SNX30: variants seen among roughly 807,000 people sequenced by gnomAD.
SNX30 encodes sorting nexin family member 30.
SNX30 carries 24 observed loss-of-function variants against 46.4 expected under a neutral mutation model. The observed-to-expected ratio is 0.52, with a 90% confidence interval of 0.37 to 0.73. The LOEUF (loss-of-function observed/expected upper bound fraction) is 0.73, where lower values mean the gene tolerates loss of function less well. Among genes scored for constraint, SNX30 ranks in the 30% least tolerant of loss-of-function variants. The pLI is 0.00. For missense variants in SNX30, 533 were observed against 555.7 expected, an observed-to-expected ratio of 0.96 and a Z score of 0.41; for synonymous variants, 189 against 211.5, an observed-to-expected ratio of 0.89 and a Z score of 0.92.
At chr9:112,851,955 C>G (rs1338189557) in intron 7 of SNX30, among the ~76,000 whole-genome samples, 1 of 152,196 alleles carries the variant, frequency 6.6e-6, no homozygotes, top group African/African-American at 2.4e-5. Context: ...CATCCTATGT[C>G]ATCCCTTTAA....
At chr9:112,817,858 G>A in intron 3 of SNX30, 43 bp downstream of exon 3, 1 of 1,347,076 alleles carries the variant, frequency 7.4e-7, no homozygotes, top group Non-Finnish European at 1.1e-6. Context: ...CTTGTCCTGT[G>A]TTGTCTTTCC....
chr9:112,761,822 A>C (rs920482418), intron 1 of SNX30, among the ~76,000 whole-genome samples: 1 of 152,196 alleles, frequency 6.6e-6, no homozygotes, highest in African/African-American at 2.4e-5. Context: ...GGCTCAAACA[A>C]ATGCTGCCTC....
At chr9:112,830,280 G>A (rs978607229) in intron 3 of SNX30, among the ~76,000 whole-genome samples, 1 of 152,006 alleles carries the variant, frequency 6.6e-6, no homozygotes, top group Non-Finnish European at 1.5e-5. Flanking sequence ...CATTCACCAA[G>A]TATGAATGGG....
At chr9:112,810,622 T>C (rs951276736) in intron 2 of SNX30, among the ~76,000 whole-genome samples, 1 of 152,064 alleles carries the variant, frequency 6.6e-6, no homozygotes. Context: ...TTCTCCCTGG[T>C]GACGGTCTGG....
At chr9:112,814,520 C>A (rs1840367830) in intron 2 of SNX30, among the ~76,000 whole-genome samples, 1 of 152,148 alleles carries the variant, frequency 6.6e-6, no homozygotes, top group African/African-American at 2.4e-5. Context: ...AGATTATAGG[C>A]ATGAGCCACT....
chr9:112,865,659 A>ATATATATATGTATG (rs1554757338), intron 8 of SNX30, among the ~76,000 whole-genome samples: 1 of 79,698 alleles, frequency 1.3e-5, no homozygotes, highest in South Asian at 3.7e-4. Context: ...ATATATATAT[A>ATATATATATGTATG]TATGTATGTA....
chr9:112,798,047 G>A (rs1049440629), intron 1 of SNX30, among the ~76,000 whole-genome samples: 8 of 149,810 alleles, frequency 5.3e-5, no homozygotes, highest in African/African-American at 2.0e-4. Context: ...CCCACGTGGT[G>A]GTCTTGACAA....
intron 3 of SNX30, among the ~76,000 whole-genome samples, chr9:112,823,398 C>T (rs73552462): frequency 0.013 from 1,934 of 152,270 alleles, 53 homozygotes; most frequent in African/African-American, 0.044. Flanking sequence ...CCCCATTTCC[C>T]ACTCTCCGTA....
intron 2 of SNX30, among the ~76,000 whole-genome samples, chr9:112,806,342 A>G (rs2131404628): frequency 6.6e-6 from 1 of 152,266 alleles, no homozygotes; most frequent in Non-Finnish European, 1.5e-5. Context: ...ATCTTGGGAT[A>G]AAAAAGTGTT....
chr9:112,811,371 A>G (rs752876505), intron 2 of SNX30, among the ~76,000 whole-genome samples: 64 of 152,120 alleles, frequency 4.2e-4, no homozygotes, highest in Non-Finnish European at 7.9e-4. Flanking sequence ...CTCAATTGTA[A>G]ATTTTGGATC....
chr9:112,865,663 G>A (rs111478467), intron 8 of SNX30, among the ~76,000 whole-genome samples: 2,221 of 72,018 alleles, frequency 0.031, 72 homozygotes, highest in South Asian at 0.073. Context: ...ATATATATAT[G>A]TATGTATGTA....
intron 4 of SNX30, among the ~76,000 whole-genome samples, chr9:112,832,447 AGAGAGAGAGAGAGTGT>A (rs1840675076): frequency 8.3e-6 from 1 of 120,742 alleles, no homozygotes; most frequent in Admixed American, 9.2e-5. Context: ...AGAGAGAGAG[AGAGAGAGAGAGAGTGT>A]GTGTGTGTGT....
chr9:112,834,882 A>ACCCC (rs370427731), intron 4 of SNX30, among the ~76,000 whole-genome samples: 36 of 105,252 alleles, frequency 3.4e-4, no homozygotes, highest in African/African-American at 9.5e-4. Flanking sequence ...ACACACACAC[A>ACCCC]CCTACCTCAA....
At chr9:112,838,435 G>C (rs1840799983) in intron 5 of SNX30, 63 bp from the exon 6 acceptor site, 1 of 1,411,782 alleles carries the variant, frequency 7.1e-7, no homozygotes, top group Admixed American at 2.0e-5. Flanking sequence ...GGTGATTACT[G>C]AGTCAGTAAT....
intron 7 of SNX30, among the ~76,000 whole-genome samples, chr9:112,859,652 C>T (rs1201573803): frequency 6.6e-6 from 1 of 151,682 alleles, no homozygotes; most frequent in Non-Finnish European, 1.5e-5. Flanking sequence ...TTCTCTGTCG[C>T]CCAGGCTAGA....
intron 7 of SNX30, among the ~76,000 whole-genome samples, chr9:112,862,847 G>A (rs1841259831): frequency 6.6e-6 from 1 of 151,976 alleles, no homozygotes; most frequent in Non-Finnish European, 1.5e-5. Context: ...ATGAACCACT[G>A]CACTCAGCCC....
chr9:112,879,182 T>C (rs1200166078), downstream of SNX30: 1 of 152,060 alleles, frequency 6.6e-6, no homozygotes, highest in Non-Finnish European at 1.5e-5. Context: ...CCCTCCTGAG[T>C]GTTTGTAGGT....
chr9:112,843,804 G>A (rs1340781247), intron 6 of SNX30, among the ~76,000 whole-genome samples: 2 of 151,998 alleles, frequency 1.3e-5, no homozygotes, highest in Admixed American at 1.3e-4. Context: ...TAGTAAAGAC[G>A]GGGTTTCACC....
At chr9:112,849,593 T>C (rs1024488203) in intron 6 of SNX30, among the ~76,000 whole-genome samples, 2 of 152,250 alleles carry the variant, frequency 1.3e-5, no homozygotes, top group African/African-American at 4.8e-5. Context: ...ATTGCAATTT[T>C]AACCTCATTT....
Sources: allele counts gnomAD v4.1 joint callset (sites outside exome capture counted in the v4.1 genomes callset), GRCh38; gene constraint gnomAD v4.1.1; transcripts MANE v1.5; gene names NCBI Gene and HGNC (gene_info 2026-07-23, HGNC 2026-07-21).